The following NFATC1 variants were observed in gnomAD, a reference collection of about 807,000 sequenced individuals.
The protein encoded by NFATC1 is nuclear factor of activated T cells 1.
In NFATC1, 22 loss-of-function variants were observed where a neutral mutation model predicts 76.0. The ratio of observed to expected loss-of-function variants is 0.29; its 90% CI spans 0.21 to 0.41. The LOEUF is 0.41. Ranked by LOEUF, NFATC1 falls within the 10% of genes least tolerant of loss-of-function variation. The probability of loss-of-function intolerance (pLI) is 1.00; values close to 1 mark genes in which losing one functional copy is unlikely to be tolerated. For synonymous variants in NFATC1, 704 were observed against 613.1 expected (o/e 1.15, Z -2.19); for missense variants, 1,357 against 1,337.7 (o/e 1.01, Z -0.23).
At chr18:79,398,672 C>G (rs534219069) in intron 1 of NFATC1, among the ~76,000 whole-genome samples, 3 of 152,250 alleles carry the variant, frequency 2.0e-5, no homozygotes, top group African/African-American at 7.2e-5. Context: ...GGGCCACCAG[C>G]AGGCGGGACA....
At chr18:79,428,715 G>A (rs990336381) in intron 2 of NFATC1, among the ~76,000 whole-genome samples, 1 of 152,214 alleles carries the variant, frequency 6.6e-6, no homozygotes, top group African/African-American at 2.4e-5. Flanking sequence ...GGTGATACGT[G>A]CCTGTAACCC....
intron 9 of NFATC1, among the ~76,000 whole-genome samples, chr18:79,506,503 G>C (rs1471872844): frequency 6.6e-6 from 1 of 152,202 alleles, no homozygotes; most frequent in African/African-American, 2.4e-5. Context: ...CACAGGGCCT[G>C]AGAGCTGAGT....
chr18:79,480,813 G>A (rs551633626), intron 8 of NFATC1, among the ~76,000 whole-genome samples: 106 of 152,296 alleles, frequency 7.0e-4, no homozygotes, highest in Admixed American at 2.5e-3. Context: ...TAAAGCGCTC[G>A]GGACACTTCA....
At chr18:79,469,901 C>T in intron 8 of NFATC1, 1 of 985,462 alleles carries the variant, frequency 1.0e-6, no homozygotes. Context: ...GACTGTGAGC[C>T]CCTCAGGCAG....
chr18:79,430,866 C>T (rs1038872674), intron 2 of NFATC1, among the ~76,000 whole-genome samples: 4 of 152,224 alleles, frequency 2.6e-5, no homozygotes, highest in African/African-American at 7.2e-5. Context: ...CCTCTCCCTT[C>T]CCCAGAAACT....
intron 1 of NFATC1, 98 bp downstream of exon 1, chr18:79,396,449 G>C (rs58346397): frequency 0.9 from 700,264 of 776,994 alleles, 316,297 homozygotes; most frequent in East Asian, 1. Context: ...GGAGGGGTCC[G>C]GGCCAGAGAA....
At chr18:79,457,623 G>A (rs1195491526) in intron 6 of NFATC1, among the ~76,000 whole-genome samples, 1 of 152,096 alleles carries the variant, frequency 6.6e-6, no homozygotes, top group African/African-American at 2.4e-5. Context: ...GGGTTTTGGT[G>A]GCTTCACATA....
Position 79,528,429 on chromosome 18 carries a change from C to T in NFATC1, c.*852C>T, listed in dbSNP as rs1370198592. On this transcript the variant is annotated 3_prime_UTR_variant, in exon 10 of 10. Coordinates refer to ENST00000427363, the MANE Select transcript of NFATC1 (RefSeq NM_001278669.2). ...ATAACAGAGCCGACGTGTCCTCGCC[C>T]AGGAGGGCTTCCCTGTCAGCAATAA... The T allele has an allele frequency of 2.0e-5, 3 of 152,302 alleles. No individual in the cohort carries two copies. Among genetic ancestry groups the T allele is most frequent in the Non-Finnish European group, 4.4e-5 (3 of 68,088 alleles). The allele number at this position is 152,302 out of a possible 1,614,324, so 9.4% of individuals were successfully genotyped here. A position where few individuals can be genotyped will look rare whatever the true frequency, so the allele number is the denominator to read the frequency against.
chr18:79,461,648 C>T (rs1373205753), intron 7 of NFATC1, among the ~76,000 whole-genome samples: 4 of 152,344 alleles, frequency 2.6e-5, no homozygotes, highest in African/African-American at 9.6e-5. Flanking sequence ...CTCACACACC[C>T]TGGCGCTGAG....
chr18:79,402,427 A>C (rs1013634047), intron 1 of NFATC1: 1 of 980,638 alleles, frequency 1.0e-6, no homozygotes, highest in Admixed American at 6.1e-5. Context: ...TCATTCCCCC[A>C]AAACACTCCT....
chr18:79,437,889 G>A (rs1043867480), intron 3 of NFATC1, among the ~76,000 whole-genome samples: 19 of 152,240 alleles, frequency 1.2e-4, no homozygotes, highest in African/African-American at 3.9e-4. Context: ...TGCTCACCTC[G>A]GTATGTAGGC....
At position 79,492,420 on chromosome 18, in the gene NFATC1, G is replaced by A. The variant is rs2089706961; in HGVS notation, c.2782+5483G>A. Among the ~76,000 whole-genome samples the A allele has an allele frequency of 2.6e-5, 4 of 152,124 alleles. No homozygotes were observed. In the South Asian group the frequency reaches 8.3e-4, roughly 32 times the overall value. On this transcript the variant is annotated intron_variant, in intron 9 of 9. Transcript: ENST00000427363. The stretch of plus-strand genomic sequence containing the variant: ...TCTACTAAAAATACAAAAATTAGCT[G>A]GGCGTGGGGCTGGGTGCAGTGGCTC...
chr18:79,396,086 T>C lies in NFATC1; in HGVS notation c.-139T>C, dbSNP rs2084993672. 2.8e-6 allele frequency: 3 copies of C among 1,079,476 alleles called. No homozygotes were observed. Among genetic ancestry groups the C allele is most frequent in the Non-Finnish European group, 3.5e-6 (3 of 866,400 alleles). 66.9% of individuals were successfully genotyped at this position (1,079,476 alleles called of 1,614,324 possible). ...GCCCCGCCACGCGCGCACACGCCCC[T>C]CGATGACTTTCCTCCGGGGCGCGCG... On this transcript the variant is annotated 5_prime_UTR_variant, in exon 1 of 10. Coordinates refer to ENST00000427363, the MANE Select transcript of NFATC1 (RefSeq NM_001278669.2).
intron 8 of NFATC1, among the ~76,000 whole-genome samples, chr18:79,475,252 C>T (rs1317825838): frequency 1.4e-5 from 2 of 146,320 alleles, no homozygotes; most frequent in East Asian, 2.1e-4. Context: ...CGCTCACCGT[C>T]GACGTTGTAA....
At chr18:79,504,556 A>C (rs2090082926) in intron 9 of NFATC1, among the ~76,000 whole-genome samples, 1 of 152,260 alleles carries the variant, frequency 6.6e-6, no homozygotes, top group African/African-American at 2.4e-5. Context: ...ATATGATAGC[A>C]ATGAGAAAGC....
At position 79,397,285 on chromosome 18, in the gene NFATC1, A is replaced by G. The variant is rs73969222; in HGVS notation, c.127+934A>G. The stretch of plus-strand genomic sequence containing the variant: ...AAGACGCTTTTCCAAATTCCTTACC[A>G]GCTCTGAAATATTTTATATAATTTA... On this transcript the variant is annotated intron_variant, in intron 1 of 9. Coordinates refer to ENST00000427363, the MANE Select transcript of NFATC1 (RefSeq NM_001278669.2). 4.2e-3 allele frequency among the ~76,000 whole-genome samples: 640 copies of G among 152,360 alleles called. 2 individuals carry two copies. The highest frequency in any genetic ancestry group is 0.015 in the African/African-American group (619 of 41,588).
intron 8 of NFATC1, among the ~76,000 whole-genome samples, chr18:79,476,515 C>T (rs960826879): frequency 1.3e-5 from 2 of 152,246 alleles, no homozygotes; most frequent in Non-Finnish European, 2.9e-5. Context: ...GCCTGAGGCC[C>T]CACTTGCGCT....
intron 1 of NFATC1, among the ~76,000 whole-genome samples, chr18:79,408,917 C>T (rs1490956038): frequency 6.8e-6 from 1 of 146,606 alleles, no homozygotes; most frequent in Non-Finnish European, 1.5e-5. Flanking sequence ...CATCATCCAT[C>T]CATTATTCCT....
intron 2 of NFATC1, among the ~76,000 whole-genome samples, chr18:79,427,399 G>C (rs1174346566): frequency 8.0e-6 from 1 of 125,524 alleles, no homozygotes; most frequent in Non-Finnish European, 1.6e-5. Context: ...GGGTTGGGGG[G>C]AGCTGGATGG....
Sources: gnomAD v4.1 joint callset for allele counts (sites outside exome capture counted in the v4.1 genomes callset) on GRCh38, gnomAD v4.1.1 for gene constraint, MANE v1.5 for transcripts, NCBI Gene and HGNC (gene_info 2026-07-23, HGNC 2026-07-21) for gene names.